The following ZNF292 variants were observed in gnomAD, a reference collection of about 807,000 sequenced individuals.
The protein encoded by ZNF292 is 16 zinc-finger domain protein.
ZNF292 carries 26 observed loss-of-function variants against 217.9 expected under a neutral mutation model. That is an observed-to-expected ratio of 0.12 (90% CI 0.09 to 0.17). The LOEUF (loss-of-function observed/expected upper bound fraction) is 0.17, where lower values mean the gene tolerates loss of function less well. ZNF292 is among the 10% of genes least tolerant of loss of function. ZNF292 has a pLI of 1.00. For missense variants in ZNF292, 2,904 were observed against 3,175.2 expected (o/e 0.91, Z 2.05); for synonymous variants, 1,257 against 1,124.1 (o/e 1.12, Z -2.37).
chr6:87,219,497 A>T (rs191035876), intron 4 of ZNF292, among the ~76,000 whole-genome samples: 1 of 152,180 alleles, frequency 6.6e-6, no homozygotes, highest in Non-Finnish European at 1.5e-5. Flanking sequence ...GGCAAATTCT[A>T]GGAAGTTTTG....
At chr6:87,233,294 T>C (rs1474755570) in intron 4 of ZNF292, 31 bp from the exon 5 acceptor site, 4 of 1,452,048 alleles carry the variant, frequency 2.8e-6, no homozygotes, top group Non-Finnish European at 3.8e-6. Context: ...TTACCAAATG[T>C]TAATAATCTA....
chr6:87,263,051 C>CT lies in ZNF292; in HGVS notation c.*1256dup, dbSNP rs942890803. ...GTATTTCTCACCATATCTAATGATA[C>CT]TTTTTTCATTAGATTGGTCTTCAAG... On this transcript the variant is annotated 3_prime_UTR_variant, in exon 8 of 8. Transcript: ENST00000369577. The CT allele has an allele frequency of 6.6e-6, 1 of 151,822 alleles. No individual in the cohort carries two copies. The highest frequency in any genetic ancestry group is 1.5e-5 in the Non-Finnish European group (1 of 67,852). 9.4% of individuals were successfully genotyped at this position (151,822 alleles called of 1,614,324 possible).
chr6:87,260,540 G>C lies in ZNF292; in HGVS notation c.6911G>C (p.Ser2304Thr). 6.2e-7 allele frequency: 1 copy of C among 1,613,044 alleles called. No homozygotes were observed. ...ACACCAGGCCAGGAAAATATGTCAA[G>C]CAAGGCAAACCAAGAAAAATCAAAG... ...RLTPGQENMS[S>T]KANQEKSKSK... is the part of the protein sequence containing the mutation. Residue 2304 changes from serine (S) to threonine (T), a missense_variant, in exon 8 of 8, where the codon AGC (serine) becomes ACC (threonine). Transcript: ENST00000369577.
In ZNF292 at chr6:87,240,778, A is replaced by T. The variant is rs551444650; in HGVS notation, c.742-2697A>T. On this transcript the variant is annotated intron_variant, in intron 5 of 7. Transcript: ENST00000369577. ...AATGATAAGATTAAAAATAAATGAG[A>T]CTTTCAAGAAATACGGATTTTTATT... 2.0e-5 allele frequency among the ~76,000 whole-genome samples: 3 copies of T among 152,320 alleles called. No individual in the cohort carries two copies. In the South Asian group the frequency reaches 6.2e-4, roughly 32 times the overall value.
Position 87,155,772 on chromosome 6 carries a change from G to T in ZNF292, c.168+13G>T. The T allele has an allele frequency of 6.3e-7, 1 of 1,581,410 alleles. No individual in the cohort carries two copies. The highest frequency in any genetic ancestry group is 8.6e-7 in the Non-Finnish European group (1 of 1,164,074). ...GCAGCTGTGCCAGGTGAGGGCGCCC[G>T]GTGGTCCCCTCCCCCTTTCCCCAGC... On this transcript the variant is annotated intron_variant, in intron 1 of 7. Coordinates refer to ENST00000369577, the MANE Select transcript of ZNF292 (RefSeq NM_015021.3).
intron 4 of ZNF292, among the ~76,000 whole-genome samples, chr6:87,227,382 AT>A (rs924681153): frequency 1.3e-5 from 2 of 151,342 alleles, no homozygotes; most frequent in African/African-American, 4.9e-5. Flanking sequence ...CTTAATTTGG[AT>A]TTTTTTTTGA....
In ZNF292 at chr6:87,263,111, T is replaced by C. The variant is rs1181470743; in HGVS notation, c.*1310T>C. 2.6e-5 allele frequency: 4 copies of C among 152,028 alleles called. No individual in the cohort carries two copies. The highest frequency in any genetic ancestry group is 4.1e-4 in the South Asian group (2 of 4,832). The allele number at this position is 152,028 out of a possible 1,614,324, so 9.4% of individuals were successfully genotyped here. ...AGTTATAATTATTTTGGTTATTCAGTATATAGTTAGCTCTTACAGTTTAGC... is the reference window on the plus strand; with the variant it reads ...AGTTATAATTATTTTGGTTATTCAGCATATAGTTAGCTCTTACAGTTTAGC... On this transcript the variant is annotated 3_prime_UTR_variant, in exon 8 of 8. Coordinates refer to ENST00000369577, the MANE Select transcript of ZNF292 (RefSeq NM_015021.3).
At chr6:87,171,255 T>C (rs1175959705) in intron 1 of ZNF292, among the ~76,000 whole-genome samples, 3 of 152,134 alleles carry the variant, frequency 2.0e-5, no homozygotes, top group African/African-American at 7.2e-5. Flanking sequence ...TTGTCCAAAA[T>C]TTTAAACTAG....
rs538619554 is a variant in ZNF292 at position 87,257,631 on chromosome 6, T to C, written c.4002T>C (p.Asn1334=). 63 of 1,608,702 alleles carry C rather than the reference T, an allele frequency of 3.9e-5. 2 individuals carry two copies. The South Asian group carries it at 6.7e-4, about 17-fold the overall frequency. ...VNVANNFSST[N]AQQSAPEKVK... ...TTGCAAATAACTTCAGTAGCACCAA[T>C]GCCCAACAGTCTGCACCTGAAAAAG... The change falls in exon 8 of 8, where the codon AAT becomes AAC. Residue 1334 remains asparagine, a synonymous_variant. Transcript: ENST00000369577.
At position 87,263,586 on chromosome 6, in the gene ZNF292, A is replaced by G. The variant is rs1775713187; in HGVS notation, c.*1785A>G. 6.6e-6 allele frequency: 1 copy of G among 151,936 alleles called. No homozygotes were observed. Among genetic ancestry groups the G allele is most frequent in the South Asian group, 2.1e-4 (1 of 4,822 alleles). 9.4% of individuals were successfully genotyped at this position (151,936 alleles called of 1,614,324 possible). ...TTGAATAGTTCATTTCACCTGTTTA[A>G]GACTTACTACCAATAAGCATAAAAC... On this transcript the variant is annotated 3_prime_UTR_variant, in exon 8 of 8. Transcript: ENST00000369577.
rs1037333199 is a variant in ZNF292 at position 87,264,087 on chromosome 6, C to T, written c.*2286C>T. ...CTTTTTAGCATGAAACAAAAAAAAT[C>T]AAACTATGGTAAAAAGACATGAATT... On this transcript the variant is annotated 3_prime_UTR_variant, in exon 8 of 8. Coordinates refer to ENST00000369577, the MANE Select transcript of ZNF292 (RefSeq NM_015021.3). The T allele has an allele frequency of 3.3e-5, 5 of 151,554 alleles. No homozygotes were observed. Among genetic ancestry groups the T allele is most frequent in the African/African-American group, 7.3e-5 (3 of 41,248 alleles). The allele number at this position is 151,554 out of a possible 1,614,324, so 9.4% of individuals were successfully genotyped here. A position where few individuals can be genotyped will look rare whatever the true frequency, so the allele number is the denominator to read the frequency against.
chr6:87,234,872 T>G (rs1197302813), intron 5 of ZNF292, among the ~76,000 whole-genome samples: 2 of 152,124 alleles, frequency 1.3e-5, no homozygotes, highest in African/African-American at 2.4e-5. Context: ...GTGTGATTTT[T>G]TTTTTCCTTG....
intron 1 of ZNF292, among the ~76,000 whole-genome samples, chr6:87,175,505 T>A (rs1411847968): frequency 2.0e-5 from 3 of 152,050 alleles, no homozygotes; most frequent in Non-Finnish European, 2.9e-5. Context: ...CTGGCTAATT[T>A]TTAAGAATTT....
At chr6:87,182,756 A>G (rs536564815) in intron 1 of ZNF292, among the ~76,000 whole-genome samples, 1 of 152,360 alleles carries the variant, frequency 6.6e-6, no homozygotes, top group African/African-American at 2.4e-5. Context: ...TGCTATATCC[A>G]GTAGCCTTTA....
At position 87,254,989 on chromosome 6, in the gene ZNF292, C is replaced by T. The variant is rs1215967523; in HGVS notation, c.1360C>T (p.Arg454Ter). 1 of 1,613,780 alleles carries T rather than the reference C, an allele frequency of 6.2e-7. No homozygotes were observed. Reference sequence around the variant, plus strand: ...ATTCTGGGATTGGAAAACCTTGAAACGACAATGTCTTGCATTAATGGGAGA... The same window carrying T: ...ATTCTGGGATTGGAAAACCTTGAAATGACAATGTCTTGCATTAATGGGAGA... ...PEFWDWKTLK[R>*]QCLALMGEEA... Residue 454 changes from arginine to a stop codon, truncating the protein, a stop_gained, in exon 8 of 8, where the codon CGA (arginine) becomes TGA (stop). Coordinates refer to ENST00000369577, the MANE Select transcript of ZNF292 (RefSeq NM_015021.3). LOFTEE classifies it high-confidence loss of function.
At chr6:87,176,878 C>G (rs1025039080) in intron 1 of ZNF292, among the ~76,000 whole-genome samples, 5 of 152,178 alleles carry the variant, frequency 3.3e-5, no homozygotes, top group African/African-American at 1.2e-4. Flanking sequence ...TGGAACTCTT[C>G]CTCGTGGATG....
intron 4 of ZNF292, among the ~76,000 whole-genome samples, chr6:87,228,071 A>G (rs182913340): frequency 1.3e-4 from 20 of 152,278 alleles, no homozygotes; most frequent in Admixed American, 2.0e-4. Context: ...TATTGTACGA[A>G]GGTTCCAGTT....
intron 7 of ZNF292, among the ~76,000 whole-genome samples, chr6:87,251,592 A>G (rs1487443683): frequency 6.6e-6 from 1 of 152,212 alleles, no homozygotes; most frequent in East Asian, 1.9e-4. Flanking sequence ...TTGTGCTATT[A>G]GTATTTGTGA....
In ZNF292 at chr6:87,255,276, A is replaced by G. The variant is rs370886893; in HGVS notation, c.1647A>G (p.Lys549=). ...TGCAGTATTGTGTGTTGTGTGACAA[A>G]GAATTCCTTGGTCACAGAATAGTAC... ...AYMQYCVLCD[K]EFLGHRIVRH... is the part of the protein sequence containing the mutation. The change falls in exon 8 of 8, where the codon AAA becomes AAG. Residue 549 remains lysine (K), a synonymous_variant. Coordinates refer to ENST00000369577, the MANE Select transcript of ZNF292 (RefSeq NM_015021.3). The G allele has an allele frequency of 5.6e-6, 9 of 1,613,808 alleles. No homozygotes were observed. Among genetic ancestry groups the G allele is most frequent in the Non-Finnish European group, 7.6e-6 (9 of 1,179,842 alleles).
Sources: gnomAD v4.1 joint callset for allele counts (sites outside exome capture counted in the v4.1 genomes callset) on GRCh38, gnomAD v4.1.1 for gene constraint, MANE v1.5 for transcripts, NCBI Gene and HGNC (gene_info 2026-07-23, HGNC 2026-07-21) for gene names.